The following GPR17 variants were observed in gnomAD, a reference collection of about 807,000 sequenced individuals.
GPR17 encodes the protein G protein-coupled receptor 17, also known as uracil nucleotide/cysteinyl leukotriene receptor.
Under a neutral mutation model 1.5 loss-of-function variants are expected in GPR17, and 4 were observed. That is an observed-to-expected ratio of 2.73 (90% CI 1.35 to 6.25). GPR17 has a LOEUF of 6.25. GPR17 is among the 30% of genes most tolerant of loss of function. The pLI, the probability that GPR17 is intolerant of heterozygous loss-of-function variation, is 0.00. For synonymous variants in GPR17, 209 were observed against 207.6 expected (o/e 1.01, Z -0.06); for missense variants, 463 against 462.1 (o/e 1.00, Z -0.02).
chr2:127,650,061 T>G (rs1683567609), intron 1 of GPR17: 2 of 1,607,260 alleles, frequency 1.2e-6, no homozygotes, highest in Non-Finnish European at 1.7e-6. Flanking sequence ...CCAAGAGAGA[T>G]GCTGAAACTC....
intron 1 of GPR17, chr2:127,648,194 C>G: frequency 1.0e-6 from 1 of 985,436 alleles, no homozygotes; most frequent in Non-Finnish European, 1.2e-6. Context: ...GGACTAAGAA[C>G]AGACCCTGTT....
At position 127,651,016 on chromosome 2, in the gene GPR17, G is replaced by A; in HGVS notation, c.281G>A (p.Gly94Glu). 1 of 1,613,800 alleles carries A rather than the reference G, an allele frequency of 6.2e-7. No homozygotes were observed. Among genetic ancestry groups the A allele is most frequent in the Non-Finnish European group, 8.5e-7 (1 of 1,180,036 alleles). The change falls in exon 2 of 2, where the codon GGG (glycine) becomes GAG (glutamate). Residue 94 changes from glycine to glutamate, a missense_variant. By Grantham distance (98) the Gly-to-Glu change is moderately conservative. Transcript: ENST00000486700. ...ACCCGCCTGGTCTACCACTTCTCTG[G>A]GAACCACTGGCCATTTGGGGAAATC... ...LPTRLVYHFS[G>E]NHWPFGEIAC... is the part of the protein sequence containing the mutation.
chr2:127,648,676 C>A (rs576770069), intron 1 of GPR17, among the ~76,000 whole-genome samples: 1 of 152,198 alleles, frequency 6.6e-6, no homozygotes, highest in East Asian at 1.9e-4. Context: ...CCAAGGAGCA[C>A]TTTGGGAGGC....
chr2:127,650,420 G>T, intron 1 of GPR17: 1 of 540,964 alleles, frequency 1.8e-6, no homozygotes. Context: ...CCATGGCACT[G>T]ACCCGGTCCT....
rs1231334632 is a variant in GPR17, at chr2:127,651,129, G to A, written c.394G>A (p.Ala132Thr). The A allele has an allele frequency of 2.5e-6, 4 of 1,613,346 alleles. No individual in the cohort carries two copies. The highest frequency in any genetic ancestry group is 3.4e-6 in the Non-Finnish European group (4 of 1,180,016). Reference protein sequence around the residue: ...LTCISADRFLAIVHPVKSLKL... With the variant: ...LTCISADRFLTIVHPVKSLKL... Reference sequence around the variant, plus strand: ...CTGCATCAGCGCCGACCGTTTCCTGGCCATTGTGCACCCGGTCAAGTCCCT... The same window carrying A: ...CTGCATCAGCGCCGACCGTTTCCTGACCATTGTGCACCCGGTCAAGTCCCT... Residue 132 changes from alanine to threonine, a missense_variant, in exon 2 of 2, where the codon GCC (alanine) becomes ACC (threonine). By Grantham distance (58) the Ala-to-Thr change is moderately conservative. Coordinates refer to ENST00000486700, the MANE Select transcript of GPR17 (RefSeq NM_001161417.2).
Position 127,651,930 on chromosome 2 carries a change from G to A in GPR17, c.*175G>A, listed in dbSNP as rs1683842339. On this transcript the variant is annotated 3_prime_UTR_variant, in exon 2 of 2. Transcript: ENST00000486700. ...CCATAAAAAGGAAGAACTGACAAAG[G>A]GGATCCATCGGCCACCCCTCTGCAG... 9.2e-6 allele frequency: 6 copies of A among 651,034 alleles called. No homozygotes were observed. The highest frequency in any genetic ancestry group is 1.1e-5 in the Non-Finnish European group (4 of 371,278). The allele number at this position is 651,034 out of a possible 1,614,324, so 40.3% of individuals were successfully genotyped here.
chr2:127,650,488 G>A (rs993180077), intron 1 of GPR17: 37 of 566,630 alleles, frequency 6.5e-5, no homozygotes, highest in Non-Finnish European at 9.7e-5. Flanking sequence ...GCATAGCGGC[G>A]AAATTCCAAG....
rs749903713 is a variant in GPR17, at chr2:127,650,755, C to T, written c.20C>T (p.Ala7Val). Reference protein sequence around the residue: MNGLEVAPPGLITNFSL... With the variant: MNGLEVVPPGLITNFSL... ...CAAAGCATGAATGGCCTTGAAGTGG[C>T]TCCCCCAGGTCTGATCACCAACTTC... The change falls in exon 2 of 2, where the codon GCT becomes GTT. Residue 7 changes from alanine to valine, a missense_variant. Transcript: ENST00000486700. The T allele has an allele frequency of 1.1e-5, 17 of 1,612,372 alleles. No homozygotes were observed. Among genetic ancestry groups the T allele is most frequent in the Non-Finnish European group, 1.4e-5 (17 of 1,179,014 alleles).
intron 1 of GPR17, chr2:127,650,116 C>A: frequency 6.5e-7 from 1 of 1,549,796 alleles, no homozygotes; most frequent in Non-Finnish European, 8.8e-7. Flanking sequence ...CAGGGTACAG[C>A]CCTTGCTGCC....
intron 1 of GPR17, chr2:127,646,794 T>A (rs1489770709): frequency 6.6e-6 from 1 of 152,288 alleles, no homozygotes; most frequent in Non-Finnish European, 1.5e-5. Context: ...GTCTGACCAG[T>A]GAGTCGTGAG....
chr2:127,648,998 GA>G (rs1683338390), intron 1 of GPR17, among the ~76,000 whole-genome samples: 2 of 25,238 alleles, frequency 7.9e-5, no homozygotes, highest in Non-Finnish European at 1.6e-4. Flanking sequence ...GGAGGGAGGG[GA>G]GGGGAGGAAG....
chr2:127,649,443 G>A lies in GPR17; in HGVS notation c.-20-1273G>A, dbSNP rs539954858. The stretch of plus-strand genomic sequence containing the variant: ...GGGGATGGTGGATACTGGGAAGCCA[G>A]GTGCCCAGAGGAGCCCCAGAAGCTG... On this transcript the variant is annotated intron_variant, in intron 1 of 1. Coordinates refer to ENST00000486700, the MANE Select transcript of GPR17 (RefSeq NM_001161417.2). Among the ~76,000 whole-genome samples, 4 of 152,338 alleles carry A rather than the reference G, an allele frequency of 2.6e-5. No homozygotes were observed. The South Asian group carries it at 6.2e-4, about 24-fold the overall frequency.
intron 1 of GPR17, chr2:127,646,530 T>C (rs974294473): frequency 7.9e-5 from 12 of 152,252 alleles, no homozygotes; most frequent in African/African-American, 2.7e-4. Context: ...CCTTGACCCA[T>C]AGAGGAGCCA....
intron 1 of GPR17, chr2:127,650,310 C>CACA: frequency 1.8e-6 from 1 of 568,314 alleles, no homozygotes; most frequent in South Asian, 2.1e-5. Flanking sequence ...AGACACACTG[C>CACA]CCCCGCCCCT....
In GPR17 at chr2:127,651,135, G is replaced by A; in HGVS notation, c.400G>A (p.Val134Met). Residue 134 changes from valine to methionine, a missense_variant, in exon 2 of 2, where the codon GTG becomes ATG. Val to Met is a conservative substitution (Grantham distance 21). Transcript: ENST00000486700. Reference protein sequence around the residue: ...CISADRFLAIVHPVKSLKLRR... With the variant: ...CISADRFLAIMHPVKSLKLRR... ...CAGCGCCGACCGTTTCCTGGCCATT[G>A]TGCACCCGGTCAAGTCCCTCAAGCT... The A allele has an allele frequency of 6.2e-7, 1 of 1,613,332 alleles. No individual in the cohort carries two copies. Among genetic ancestry groups the A allele is most frequent in the Non-Finnish European group, 8.5e-7 (1 of 1,180,008 alleles).
At chr2:127,650,151 C>A in intron 1 of GPR17, 1 of 1,347,626 alleles carries the variant, frequency 7.4e-7, no homozygotes, top group Non-Finnish European at 1.0e-6. Flanking sequence ...CTCCTAAGTG[C>A]CAGGGGCAAG....
In GPR17 at chr2:127,651,993, C is replaced by T. The variant is rs1406168846; in HGVS notation, c.*238C>T. 11 of 565,686 alleles carry T rather than the reference C, an allele frequency of 1.9e-5. No individual in the cohort carries two copies. Among genetic ancestry groups the T allele is most frequent in the South Asian group, 5.2e-5 (2 of 38,784 alleles). 35.0% of individuals were successfully genotyped at this position (565,686 alleles called of 1,614,324 possible). A position where few individuals can be genotyped will look rare whatever the true frequency, so the allele number is the denominator to read the frequency against. On this transcript the variant is annotated 3_prime_UTR_variant, in exon 2 of 2. Transcript: ENST00000486700. Reference sequence around the variant, plus strand: ...GCTACAATGGCTCCTAGACACTCAACGACTTCATCTGTGGCAGGGAGAGAG... The same window carrying T: ...GCTACAATGGCTCCTAGACACTCAATGACTTCATCTGTGGCAGGGAGAGAG...
chr2:127,651,423 A>C lies in GPR17; in HGVS notation c.688A>C (p.Lys230Gln). 1 of 1,612,946 alleles carries C rather than the reference A, an allele frequency of 6.2e-7. No individual in the cohort carries two copies. The highest frequency in any genetic ancestry group is 2.2e-5 in the East Asian group (1 of 44,884). The change falls in exon 2 of 2, where the codon AAG becomes CAG. Residue 230 changes from lysine (K) to glutamine (Q), a missense_variant. By Grantham distance (53) the Lys-to-Gln change is moderately conservative. Transcript: ENST00000486700. ...RQGLRVEKRL[K>Q]TKAVRMIAIV... The stretch of plus-strand genomic sequence containing the variant: ...GGGCCTGCGTGTGGAGAAGCGCCTC[A>C]AGACCAAGGCAGTGCGCATGATCGC...
chr2:127,649,531 G>A (rs1374208525), intron 1 of GPR17, among the ~76,000 whole-genome samples: 7 of 152,244 alleles, frequency 4.6e-5, no homozygotes, highest in Non-Finnish European at 8.8e-5. Flanking sequence ...GGCAGGCCAG[G>A]TGCGCTGTCC....
Sources: gnomAD v4.1 joint callset for allele counts (sites outside exome capture counted in the v4.1 genomes callset) on GRCh38, gnomAD v4.1.1 for gene constraint, MANE v1.5 for transcripts, NCBI Gene and HGNC (gene_info 2026-07-23, HGNC 2026-07-21) for gene names.